The following SLC23A2 variants were observed in gnomAD, a reference collection of about 807,000 sequenced individuals.
SLC23A2 encodes the protein solute carrier family 23 member 2.
Under a neutral mutation model 73.3 loss-of-function variants are expected in SLC23A2, and 36 were observed. The observed-to-expected ratio is 0.49, with a 90% confidence interval of 0.38 to 0.65. SLC23A2 has a LOEUF of 0.65. SLC23A2 is among the 30% of genes least tolerant of loss of function. SLC23A2 has a pLI of 0.00. For missense variants in SLC23A2, 507 were observed against 841.6 expected, an observed-to-expected ratio of 0.60 and a Z score of 4.92; for synonymous variants, 343 against 327.3, an observed-to-expected ratio of 1.05 and a Z score of -0.52.
intron 2 of SLC23A2, among the ~76,000 whole-genome samples, chr20:4,959,757 T>G (rs1019755932): frequency 6.6e-6 from 1 of 152,166 alleles, no homozygotes; most frequent in Non-Finnish European, 1.5e-5. Flanking sequence ...TCCAGATCAC[T>G]GGGATTACAG....
chr20:4,969,017 G>A (rs536133418), intron 2 of SLC23A2, among the ~76,000 whole-genome samples: 17 of 151,706 alleles, frequency 1.1e-4, no homozygotes, highest in South Asian at 8.4e-4. Flanking sequence ...CACTGTGCCC[G>A]GCCTTGTTTT....
intron 3 of SLC23A2, among the ~76,000 whole-genome samples, chr20:4,913,886 C>T (rs571930783): frequency 6.6e-6 from 1 of 151,970 alleles, no homozygotes; most frequent in Admixed American, 6.6e-5. Context: ...CTCAGCCTCC[C>T]AAAGTGCTGG....
At chr20:4,900,627 G>A (rs1931709081) in intron 5 of SLC23A2, among the ~76,000 whole-genome samples, 1 of 152,156 alleles carries the variant, frequency 6.6e-6, no homozygotes, top group African/African-American at 2.4e-5. Context: ...TCTGTGAGCT[G>A]GCATTGTTTT....
Position 4,853,538 on chromosome 20 carries a change from C to T in SLC23A2, c.*3434G>A, listed in dbSNP as rs1174338742. The T allele has an allele frequency of 6.6e-6, 1 of 152,626 alleles. No individual in the cohort carries two copies. The highest frequency in any genetic ancestry group is 1.9e-4 in the East Asian group (1 of 5,202). 9.5% of individuals were successfully genotyped at this position (152,626 alleles called of 1,614,324 possible). A position where few individuals can be genotyped will look rare whatever the true frequency, so the allele number is the denominator to read the frequency against. ...CTAGAGATTCATCAATGGAGAAATT[C>T]TATCATCACATGACATTGTCATGAA... On this transcript the variant is annotated 3_prime_UTR_variant, in exon 17 of 17. Coordinates refer to ENST00000338244, the MANE Select transcript of SLC23A2 (RefSeq NM_005116.6).
intron 9 of SLC23A2, among the ~76,000 whole-genome samples, chr20:4,879,329 C>A (rs1476976396): frequency 1.4e-5 from 2 of 142,782 alleles, no homozygotes; most frequent in African/African-American, 5.4e-5. Flanking sequence ...GCATTGCTGG[C>A]AGCCGGGAGG....
At chr20:4,870,167 C>G in intron 11 of SLC23A2, 114 bp from the exon 12 acceptor site, 1 of 876,604 alleles carries the variant, frequency 1.1e-6, no homozygotes. Flanking sequence ...CACTTGGATT[C>G]TGAAGCTCAT....
chr20:4,893,325 A>G lies in SLC23A2; in HGVS notation c.482+6230T>C, dbSNP rs1031213286. 7.2e-5 allele frequency among the ~76,000 whole-genome samples: 11 copies of G among 152,222 alleles called. 1 individual carries two copies. The South Asian group carries it at 2.3e-3, about 32-fold the overall frequency. ...AGCAATCCTCCCGCCTCAGACTCCCAAAGTGCTGGGATTACAGCCCTGAAC... is the reference window on the plus strand; with the variant it reads ...AGCAATCCTCCCGCCTCAGACTCCCGAAGTGCTGGGATTACAGCCCTGAAC... On this transcript the variant is annotated intron_variant, in intron 6 of 16. Transcript: ENST00000338244.
At chr20:4,873,531 C>G (rs1930533137) in intron 11 of SLC23A2, among the ~76,000 whole-genome samples, 1 of 152,212 alleles carries the variant, frequency 6.6e-6, no homozygotes. Context: ...TTCCATCATG[C>G]TTGAGCAGGT....
intron 15 of SLC23A2, 149 bp from the exon 16 acceptor site, chr20:4,859,533 A>C (rs1271531088): frequency 1.5e-6 from 1 of 646,814 alleles, no homozygotes. Context: ...CATGTAGATG[A>C]ATTTTTGCCA....
Position 4,869,902 on chromosome 20 carries a change from G to C in SLC23A2, c.1250+4C>G, listed in dbSNP as rs11699954. 4.3e-5 allele frequency: 68 copies of C among 1,589,232 alleles called. No individual in the cohort carries two copies. Among genetic ancestry groups the C allele is most frequent in the Middle Eastern group, 1.7e-4 (1 of 6,020 alleles). ...ATCAGGAACTTGTCTTCTCAGGAAC[G>C]TACCTGTTTATTGCGTGGATGGGGG... On this transcript the variant is annotated splice_donor_region_variant and intron_variant, in intron 12 of 16. Coordinates refer to ENST00000338244, the MANE Select transcript of SLC23A2 (RefSeq NM_005116.6).
chr20:4,873,845 C>G, intron 11 of SLC23A2, 91 bp downstream of exon 11: 1 of 1,318,548 alleles, frequency 7.6e-7, no homozygotes, highest in East Asian at 2.3e-5. Context: ...AGGAGACAGT[C>G]TGGGACAAAG....
At chr20:4,965,139 T>C (rs910260345) in intron 2 of SLC23A2, among the ~76,000 whole-genome samples, 1 of 152,114 alleles carries the variant, frequency 6.6e-6, no homozygotes, top group Non-Finnish European at 1.5e-5. Flanking sequence ...AAACACCCTA[T>C]TGATATAGTC....
intron 4 of SLC23A2, among the ~76,000 whole-genome samples, chr20:4,904,841 T>C (rs1048594309): frequency 5.3e-5 from 8 of 152,168 alleles, no homozygotes; most frequent in Non-Finnish European, 8.8e-5. Flanking sequence ...ACTTTTTGGC[T>C]AGGTGCAGTG....
intron 3 of SLC23A2, among the ~76,000 whole-genome samples, chr20:4,928,919 A>G (rs1351395877): frequency 6.6e-6 from 1 of 152,100 alleles, no homozygotes; most frequent in African/African-American, 2.4e-5. Context: ...AAAACCTCAA[A>G]ATAGGCAAGC....
chr20:4,926,473 G>A (rs933919613), intron 3 of SLC23A2, among the ~76,000 whole-genome samples: 5 of 145,562 alleles, frequency 3.4e-5, no homozygotes, highest in Non-Finnish European at 7.5e-5. Context: ...TGGGATCAAT[G>A]TCCCTAGGGT....
At chr20:4,935,313 C>A (rs530729938) in intron 2 of SLC23A2, among the ~76,000 whole-genome samples, 15 of 152,024 alleles carry the variant, frequency 9.9e-5, no homozygotes, top group African/African-American at 3.6e-4. Context: ...ATGTTTACAG[C>A]ATCCAGAGAG....
At chr20:4,860,663 C>T (rs372229077) in intron 15 of SLC23A2, among the ~76,000 whole-genome samples, 82 of 152,112 alleles carry the variant, frequency 5.4e-4, no homozygotes, top group African/African-American at 1.9e-3. Flanking sequence ...AGCCAAAGGG[C>T]GGAAACAACC....
chr20:4,930,201 G>A (rs1252375825), intron 3 of SLC23A2, among the ~76,000 whole-genome samples: 1 of 152,090 alleles, frequency 6.6e-6, no homozygotes, highest in Non-Finnish European at 1.5e-5. Context: ...AAGTGAGAGT[G>A]AATCATCTCC....
intron 11 of SLC23A2, among the ~76,000 whole-genome samples, chr20:4,870,534 G>A (rs1463299775): frequency 5.9e-5 from 9 of 151,614 alleles, no homozygotes; most frequent in Admixed American, 1.3e-4. Context: ...CCAAGACTGC[G>A]CCACTGCACT....
Sources: gnomAD v4.1 joint callset for allele counts (sites outside exome capture counted in the v4.1 genomes callset) on GRCh38, gnomAD v4.1.1 for gene constraint, MANE v1.5 for transcripts, NCBI Gene and HGNC (gene_info 2026-07-23, HGNC 2026-07-21) for gene names.